CCSER1: variants seen among roughly 807,000 people sequenced by gnomAD.
The protein encoded by CCSER1 is coiled-coil serine rich protein 1, also known as serine-rich coiled-coil domain-containing protein 1.
In CCSER1, 41 loss-of-function variants were observed where a neutral mutation model predicts 82.0. The observed-to-expected ratio is 0.50, with a 90% CI of 0.39 to 0.65. CCSER1 has a LOEUF of 0.65. Among genes scored for constraint, CCSER1 ranks in the 30% least tolerant of loss-of-function variants. CCSER1 has a pLI of 0.00. For missense variants in CCSER1, 1,119 were observed against 1,064.2 expected (o/e 1.05, Z -0.72); for synonymous variants, 414 against 383.9 (o/e 1.08, Z -0.92).
intron 9 of CCSER1, among the ~76,000 whole-genome samples, chr4:90,950,204 A>G (rs565820000): frequency 3.3e-5 from 5 of 152,282 alleles, no homozygotes; most frequent in African/African-American, 1.2e-4. Context: ...TAAAAAGTCA[A>G]TAGACATCCT....
At chr4:91,056,985 T>C (rs1197710178) in intron 9 of CCSER1, among the ~76,000 whole-genome samples, 1 of 152,152 alleles carries the variant, frequency 6.6e-6, no homozygotes, top group Non-Finnish European at 1.5e-5. Flanking sequence ...TCACCAAGAA[T>C]TCCTTTCAGC....
intron 8 of CCSER1, among the ~76,000 whole-genome samples, chr4:90,820,689 T>C (rs1430008869): frequency 6.6e-6 from 1 of 151,726 alleles, no homozygotes. Flanking sequence ...TTATCAATAG[T>C]GAATTTGATA....
At chr4:90,891,511 G>A (rs535607910) in intron 8 of CCSER1, among the ~76,000 whole-genome samples, 2 of 151,850 alleles carry the variant, frequency 1.3e-5, no homozygotes, top group South Asian at 4.1e-4. Context: ...TACAATACAA[G>A]AAATTACTTT....
rs1730095605 is a variant in CCSER1 at position 90,932,934 on chromosome 4, GAAA to G, written c.2172+9488_2172+9490del. ...AGAAAGAAAGAAAGAAAGAAAGAAA[GAAA>G]GAAAGAAAGAAAGAAAGAAAGAAAG... On this transcript the variant is annotated intron_variant, in intron 9 of 10. Coordinates refer to ENST00000509176, the MANE Select transcript of CCSER1 (RefSeq NM_001145065.2). 2.5e-4 allele frequency among the ~76,000 whole-genome samples: 7 copies of G among 27,452 alleles called. 2 individuals are homozygous for G. Among genetic ancestry groups the G allele is most frequent in the African/African-American group, 2.1e-3 (7 of 3,366 alleles). The allele number at this position is 27,452 out of a possible 152,430, so 18.0% of individuals were successfully genotyped here.
At chr4:90,539,155 A>T (rs1371065252) in intron 5 of CCSER1, among the ~76,000 whole-genome samples, 3 of 152,094 alleles carry the variant, frequency 2.0e-5, no homozygotes, top group Non-Finnish European at 4.4e-5. Context: ...TATTTTAGAT[A>T]CTGTTTTGCA....
chr4:90,613,582 A>C (rs1349220094), intron 5 of CCSER1, among the ~76,000 whole-genome samples: 1 of 152,172 alleles, frequency 6.6e-6, no homozygotes, highest in East Asian at 1.9e-4. Flanking sequence ...TAGAATGGTG[A>C]ATTCTTTCCA....
intron 10 of CCSER1, among the ~76,000 whole-genome samples, chr4:91,153,781 A>C (rs980465364): frequency 1.3e-5 from 2 of 151,948 alleles, no homozygotes; most frequent in Non-Finnish European, 2.9e-5. Flanking sequence ...TCCACTCCAG[A>C]CCCTGTTTGC....
chr4:90,634,757 T>G (rs1008900569), intron 6 of CCSER1, among the ~76,000 whole-genome samples: 3 of 151,808 alleles, frequency 2.0e-5, no homozygotes, highest in Admixed American at 2.0e-4. Flanking sequence ...TAGACAGCAG[T>G]CTAATAATCA....
At chr4:90,180,878 T>G (rs1028535591) in intron 1 of CCSER1, among the ~76,000 whole-genome samples, 5 of 152,142 alleles carry the variant, frequency 3.3e-5, no homozygotes, top group African/African-American at 1.2e-4. Context: ...TTGCTAAGAC[T>G]ATAGGTTGAG....
intron 6 of CCSER1, among the ~76,000 whole-genome samples, chr4:90,651,447 C>T (rs1009970754): frequency 1.3e-5 from 2 of 152,048 alleles, no homozygotes; most frequent in African/African-American, 4.8e-5. Context: ...GAACAGAAAA[C>T]CAAACACCAC....
intron 4 of CCSER1, among the ~76,000 whole-genome samples, chr4:90,415,805 TGA>T (rs1266007030): frequency 6.6e-6 from 1 of 152,210 alleles, no homozygotes; most frequent in East Asian, 1.9e-4. Context: ...ACCTGGGTAA[TGA>T]GAGTGATGCA....
At chr4:90,880,127 A>G (rs1428271593) in intron 8 of CCSER1, among the ~76,000 whole-genome samples, 1 of 151,958 alleles carries the variant, frequency 6.6e-6, no homozygotes, top group Non-Finnish European at 1.5e-5. Flanking sequence ...TTCTTTCTCA[A>G]TGCTCTCTGA....
At chr4:90,491,927 T>C (rs927086006) in intron 5 of CCSER1, among the ~76,000 whole-genome samples, 2 of 152,226 alleles carry the variant, frequency 1.3e-5, no homozygotes, top group Non-Finnish European at 2.9e-5. Context: ...GCCAGTATTT[T>C]ATTGAGGATT....
intron 1 of CCSER1, among the ~76,000 whole-genome samples, chr4:90,272,546 C>T (rs941524964): frequency 6.6e-6 from 1 of 152,114 alleles, no homozygotes; most frequent in Non-Finnish European, 1.5e-5. Flanking sequence ...ACCTAGGTAT[C>T]CCACTGCTAG....
intron 1 of CCSER1, among the ~76,000 whole-genome samples, chr4:90,263,917 C>T (rs935443753): frequency 1.8e-4 from 28 of 152,134 alleles, no homozygotes; most frequent in Non-Finnish European, 7.4e-5. Flanking sequence ...AGAGCCACCG[C>T]CAACCCTCAC....
At chr4:91,022,363 T>C (rs1430807095) in intron 9 of CCSER1, among the ~76,000 whole-genome samples, 1 of 152,082 alleles carries the variant, frequency 6.6e-6, no homozygotes, top group Non-Finnish European at 1.5e-5. Context: ...GAGTATTCCA[T>C]GGTGTATGGT....
chr4:90,993,105 C>A lies in CCSER1; in HGVS notation c.2172+69658C>A, dbSNP rs577055659. The stretch of plus-strand genomic sequence containing the variant: ...AACTGCCAGTTATGTACTGTTGCTT[C>A]CAAAATCTATGTCCCAGCCTCTCTG... On this transcript the variant is annotated intron_variant, in intron 9 of 10. Coordinates refer to ENST00000509176, the MANE Select transcript of CCSER1 (RefSeq NM_001145065.2). Among the ~76,000 whole-genome samples the A allele has an allele frequency of 1.7e-3, 257 of 152,102 alleles. 1 individual carries two copies. Among genetic ancestry groups the A allele is most frequent in the Non-Finnish European group, 3.2e-3 (215 of 67,980 alleles).
chr4:90,855,378 T>C (rs1370156836), intron 8 of CCSER1, among the ~76,000 whole-genome samples: 1 of 152,180 alleles, frequency 6.6e-6, no homozygotes, highest in African/African-American at 2.4e-5. Flanking sequence ...TTTTTAGTTT[T>C]GGAATAAGTC....
intron 10 of CCSER1, among the ~76,000 whole-genome samples, chr4:91,087,392 A>G (rs1723493906): frequency 6.6e-6 from 1 of 152,066 alleles, no homozygotes; most frequent in Non-Finnish European, 1.5e-5. Context: ...TTTTAATGTT[A>G]TTTTTAAATG....
Sources: allele counts gnomAD v4.1 joint callset (sites outside exome capture counted in the v4.1 genomes callset), GRCh38; gene constraint gnomAD v4.1.1; transcripts MANE v1.5; gene names NCBI Gene and HGNC (gene_info 2026-07-23, HGNC 2026-07-21).